PCM1: variants seen among roughly 807,000 people sequenced by gnomAD.
The protein encoded by PCM1 is pericentriolar material 1.
Under a neutral mutation model 241.9 loss-of-function variants are expected in PCM1, and 157 were observed. The ratio of observed to expected loss-of-function variants is 0.65; its 90% CI spans 0.57 to 0.74. The LOEUF (loss-of-function observed/expected upper bound fraction) is 0.74. Ranked by LOEUF, PCM1 falls within the 30% of genes least tolerant of loss-of-function variation. The pLI, the probability that PCM1 is intolerant of heterozygous loss-of-function variation, is 0.00. For missense variants in PCM1, 3,478 were observed against 2,360.1 expected (o/e 1.47, Z -9.81); for synonymous variants, 1,085 against 784.9 (o/e 1.38, Z -6.39).
intron 6 of PCM1, among the ~76,000 whole-genome samples, chr8:17,944,001 T>C (rs574021547): frequency 6.6e-6 from 1 of 152,258 alleles, no homozygotes; most frequent in African/African-American, 2.4e-5. Flanking sequence ...GATGACATCT[T>C]GTATAAGATG....
At chr8:17,969,383 T>A in intron 21 of PCM1, 194 bp from the exon 22 acceptor site, 2 of 499,486 alleles carry the variant, frequency 4.0e-6, no homozygotes, top group Non-Finnish European at 6.9e-6. Flanking sequence ...ATTAATTGTC[T>A]TTGACCAATG....
chr8:18,026,201 A>AAG (rs2094193890), intron 38 of PCM1, among the ~76,000 whole-genome samples: 2 of 144,164 alleles, frequency 1.4e-5, no homozygotes, highest in African/African-American at 5.1e-5. Flanking sequence ...AAAAAAAAAA[A>AAG]TGTAGACATG....
intron 1 of PCM1, among the ~76,000 whole-genome samples, chr8:17,924,280 A>C (rs1230823946): frequency 6.6e-6 from 1 of 152,224 alleles, no homozygotes; most frequent in East Asian, 1.9e-4. Flanking sequence ...CCTGGTATTT[A>C]TGTAGTGACG....
In PCM1 at chr8:17,993,316, T is replaced by C. The variant is rs3850749; in HGVS notation, c.4691-167T>C. Among the ~76,000 whole-genome samples, 3 of 152,088 alleles carry C rather than the reference T, an allele frequency of 2.0e-5. No homozygotes were observed. The East Asian group carries it at 5.8e-4, about 29-fold the overall frequency. On this transcript the variant is annotated intron_variant, in intron 28 of 38. Transcript: ENST00000325083. The stretch of plus-strand genomic sequence containing the variant: ...ATGTGATATCTAATGGTGGTTTTAT[T>C]ACTACTTTATTTTAATTGATAGGGG...
At chr8:17,972,275 G>C in intron 22 of PCM1, 54 bp from the exon 23 acceptor site, 1 of 981,854 alleles carries the variant, frequency 1.0e-6, no homozygotes, top group Non-Finnish European at 1.4e-6. Flanking sequence ...AGTGTATTTG[G>C]AGTTTTTGTA....
At chr8:17,935,768 CCT>C in intron 3 of PCM1, 62 bp downstream of exon 3, 1 of 808,284 alleles carries the variant, frequency 1.2e-6, no homozygotes, top group Non-Finnish European at 2.2e-6. Context: ...CAGTTTTCCC[CCT>C]GACCAAATTT....
intron 2 of PCM1, among the ~76,000 whole-genome samples, chr8:17,931,533 C>T (rs908888423): frequency 4.6e-5 from 7 of 152,024 alleles, no homozygotes; most frequent in African/African-American, 1.7e-4. Context: ...GTGGTAACGC[C>T]GACCTTGGCC....
At chr8:18,023,238 C>T (rs1452425704) in intron 36 of PCM1, among the ~76,000 whole-genome samples, 1 of 152,176 alleles carries the variant, frequency 6.6e-6, no homozygotes, top group Admixed American at 6.5e-5. Flanking sequence ...CCAGATATGA[C>T]TCTTTAAATG....
chr8:17,972,482 A>G lies in PCM1; in HGVS notation c.3738A>G (p.Thr1246=), dbSNP rs756245234. The G allele has an allele frequency of 2.2e-5, 35 of 1,613,830 alleles. No homozygotes were observed. In the East Asian group the frequency reaches 7.1e-4, roughly 33 times the overall value. ...TSSNRKNQLD[T]NGRRRQFDEE... ...GTAACCGCAAAAATCAATTAGATACAAACGGAAGAAGACGCCAGTTTGATG... is the reference window on the plus strand; with the variant it reads ...GTAACCGCAAAAATCAATTAGATACGAACGGAAGAAGACGCCAGTTTGATG... The change falls in exon 23 of 39, where the codon ACA becomes ACG. Residue 1246 remains threonine (T), a synonymous_variant. Transcript: ENST00000325083.
intron 16 of PCM1, among the ~76,000 whole-genome samples, chr8:17,962,439 A>G (rs1440809243): frequency 6.6e-6 from 1 of 152,110 alleles, no homozygotes; most frequent in East Asian, 1.9e-4. Context: ...AAAAATATCC[A>G]TGTTCTTTGT....
Position 17,966,348 on chromosome 8 carries a change from A to C in PCM1, c.3096A>C (p.Gln1032His). The C allele has an allele frequency of 1.9e-6, 3 of 1,613,890 alleles. No homozygotes were observed. The highest frequency in any genetic ancestry group is 2.5e-6 in the Non-Finnish European group (3 of 1,179,830). The change falls in exon 20 of 39, where the codon CAA (glutamine) becomes CAC (histidine). Residue 1032 changes from glutamine to histidine, a missense_variant. Coordinates refer to ENST00000325083, the MANE Select transcript of PCM1 (RefSeq NM_006197.4). Reference protein sequence around the residue: ...QDQQTLSCLLQTLLTGPYSVM... With the variant: ...QDQQTLSCLLHTLLTGPYSVM... Reference sequence around the variant, plus strand: ...AATAGACTCTATCTTGTCTGCTACAAACTCTTCTCACGGGTCCTTACAGTG... The same window carrying C: ...AATAGACTCTATCTTGTCTGCTACACACTCTTCTCACGGGTCCTTACAGTG...
rs569586166 is a variant in PCM1 at position 17,951,108 on chromosome 8, A to G, written c.1071+384A>G. On this transcript the variant is annotated intron_variant, in intron 8 of 38. Coordinates refer to ENST00000325083, the MANE Select transcript of PCM1 (RefSeq NM_006197.4). ...TGTGTCCTTCGACTAGATACATGGG[A>G]TTCTATACAGCCTTGGAATTCTCAT... 2.6e-5 allele frequency among the ~76,000 whole-genome samples: 4 copies of G among 152,338 alleles called. No individual in the cohort carries two copies. The South Asian group carries it at 8.3e-4, about 32-fold the overall frequency.
rs1563941568 is a variant in PCM1, at chr8:17,960,303, A to G, written c.2193-12A>G. The G allele has an allele frequency of 3.8e-6, 6 of 1,594,222 alleles. No homozygotes were observed. Among genetic ancestry groups the G allele is most frequent in the Admixed American group, 1.9e-5 (1 of 53,918 alleles). ...ATTGGAGTCCATAAATATAATGTCAATTTAATTGTAGAGAGAAATTTTATG... is the reference window on the plus strand; with the variant it reads ...ATTGGAGTCCATAAATATAATGTCAGTTTAATTGTAGAGAGAAATTTTATG... On this transcript the variant is annotated splice_polypyrimidine_tract_variant and intron_variant, in intron 14 of 38. Transcript: ENST00000325083.
rs2060726508 is a variant in PCM1 at position 17,937,373 on chromosome 8, A to C, written c.336A>C (p.Leu112Phe). The C allele has an allele frequency of 6.3e-7, 1 of 1,586,962 alleles. No homozygotes were observed. The highest frequency in any genetic ancestry group is 1.4e-5 in the African/African-American group (1 of 73,856). Residue 112 changes from leucine to phenylalanine, a missense_variant, in exon 4 of 39, where the codon TTA (leucine) becomes TTC (phenylalanine). Physicochemically the swap from Leu to Phe is conservative, Grantham distance 22 (BLOSUM62 0). Coordinates refer to ENST00000325083, the MANE Select transcript of PCM1 (RefSeq NM_006197.4). ...KLKQRINFSD[L>F]DQRSIGSDSQ... ...AACAGCGGATAAACTTCAGTGATTT[A>C]GATCAGGTTTGTGAATTATTTTTAA... is the stretch of plus-strand genomic sequence containing the variant.
intron 29 of PCM1, among the ~76,000 whole-genome samples, chr8:17,994,080 T>G (rs1432509328): frequency 1.3e-5 from 2 of 152,164 alleles, no homozygotes; most frequent in African/African-American, 4.8e-5. Context: ...AAATGTATAA[T>G]TAAATTATTG....
At chr8:17,958,189 C>G (rs2069599164) in intron 13 of PCM1, among the ~76,000 whole-genome samples, 1 of 152,088 alleles carries the variant, frequency 6.6e-6, no homozygotes, top group Non-Finnish European at 1.5e-5. Flanking sequence ...TGCAGCATCT[C>G]AATGAGGTAG....
rs746030197 is a variant in PCM1, at chr8:18,013,992, C to T, written c.5540C>T (p.Ala1847Val). ...CTACAACGTGACTTTAAAAAGACAG[C>T]AGAAAGCAAAAATGTCCCATTGGAA... ...QVLQRDFKKTAESKNVPLERE... is the reference protein window; with the variant it reads ...QVLQRDFKKTVESKNVPLERE... The change falls in exon 35 of 39, where the codon GCA becomes GTA. Residue 1847 changes from alanine to valine, a missense_variant. Physicochemically the swap from Ala to Val is moderately conservative, Grantham distance 64. Transcript: ENST00000325083. The T allele has an allele frequency of 6.2e-7, 1 of 1,601,406 alleles. No homozygotes were observed. Among genetic ancestry groups the T allele is most frequent in the South Asian group, 1.1e-5 (1 of 88,308 alleles).
chr8:18,015,684 A>G (rs2093093446), intron 36 of PCM1: 1 of 152,002 alleles, frequency 6.6e-6, no homozygotes, highest in Middle Eastern at 3.2e-3. Context: ...AAACTGTAAA[A>G]TTTTATTGTG....
chr8:17,941,541 TAA>T (rs142957683), intron 6 of PCM1, among the ~76,000 whole-genome samples: 64,479 of 145,728 alleles, frequency 0.44, 16,118 homozygotes, highest in Non-Finnish European at 0.59. Flanking sequence ...TTTTTTTTTT[TAA>T]AAAAAAGGTG....
Sources: allele counts gnomAD v4.1 joint callset (sites outside exome capture counted in the v4.1 genomes callset), GRCh38; gene constraint gnomAD v4.1.1; transcripts MANE v1.5; gene names NCBI Gene and HGNC (gene_info 2026-07-23, HGNC 2026-07-21).